Variants in CPT1C observed in about 807,000 individuals in gnomAD.
The protein encoded by CPT1C is carnitine palmitoyltransferase 1C.
CPT1C carries 61 observed loss-of-function variants against 97.3 expected under a neutral mutation model. That is an observed-to-expected ratio of 0.63 (90% CI 0.51 to 0.78). The LOEUF is 0.78. CPT1C is among the 30% of genes least tolerant of loss of function. The pLI is 0.00. For synonymous variants in CPT1C, 469 were observed against 447.2 expected, an observed-to-expected ratio of 1.05 and a Z score of -0.61; for missense variants, 975 against 1,065.5, an observed-to-expected ratio of 0.92 and a Z score of 1.18.
chr19:49,709,672 A>T (rs1252881411), intron 14 of CPT1C, among the ~76,000 whole-genome samples: 1 of 150,742 alleles, frequency 6.6e-6, no homozygotes, highest in African/African-American at 2.4e-5. Flanking sequence ...CTCTTGCCTC[A>T]GCCTCCTGAG....
chr19:49,700,684 G>T lies in CPT1C; in HGVS notation c.282G>T (p.Trp94Cys). 2.5e-6 allele frequency: 4 copies of T among 1,607,688 alleles called. No individual in the cohort carries two copies. Among genetic ancestry groups the T allele is most frequent in the South Asian group, 1.1e-5 (1 of 91,070 alleles). The change falls in exon 5 of 20, where the codon TGG becomes TGT. Residue 94 changes from tryptophan (W) to cysteine (C), a missense_variant and splice_region_variant. Physicochemically the swap from Trp to Cys is radical, Grantham distance 215. This residue lies in a region of CPT1C where 596 missense variants were observed against 603.1 expected (regional missense o/e 0.99). Coordinates refer to ENST00000598293, the MANE Select transcript of CPT1C (RefSeq NM_001199753.2). Reference sequence around the variant, plus strand: ...CCAGCCTCTGTTTCTCTCCCCGCAGGGGTGGACAACACCACGGGCTCCGGG... The same window carrying T: ...CCAGCCTCTGTTTCTCTCCCCGCAGTGGTGGACAACACCACGGGCTCCGGG... ...MEKIKELLPDWGGQHHGLRGV... is the reference protein window; with the variant it reads ...MEKIKELLPDCGGQHHGLRGV...
In CPT1C at chr19:49,705,110, C is replaced by A. The variant is rs947674908; in HGVS notation, c.875C>A (p.Pro292His). 1.9e-6 allele frequency: 3 copies of A among 1,613,912 alleles called. No homozygotes were observed. Among genetic ancestry groups the A allele is most frequent in the Non-Finnish European group, 2.5e-6 (3 of 1,179,964 alleles). The stretch of plus-strand genomic sequence containing the variant: ...CACCGCCTGAACCGCCAGGAGATAC[C>A]CCCGGTGAGAGGGCCCCAGTGGGTT... ...YRHRLNRQEI[P>H]PTLLMGMRPL... Residue 292 changes from proline (P) to histidine (H), a missense_variant, in exon 9 of 20, where the codon CCC becomes CAC. Coordinates refer to ENST00000598293, the MANE Select transcript of CPT1C (RefSeq NM_001199753.2).
chr19:49,711,102 C>CTT, intron 16 of CPT1C: 1 of 331,462 alleles, frequency 3.0e-6, no homozygotes, highest in Non-Finnish European at 5.5e-6. Context: ...AACCCCATTT[C>CTT]TTTTTTTTTG....
chr19:49,700,566 A>G, intron 4 of CPT1C, 118 bp from the exon 5 acceptor site: 1 of 1,141,112 alleles, frequency 8.8e-7, no homozygotes, highest in Non-Finnish European at 1.3e-6. Context: ...TAAAATGACA[A>G]AAATGGGTTT....
chr19:49,691,906 G>C lies in CPT1C; in HGVS notation c.-15+17G>C, dbSNP rs908925191. 3.7e-6 allele frequency: 1 copy of C among 267,194 alleles called. No individual in the cohort carries two copies. The highest frequency in any genetic ancestry group is 2.2e-5 in the African/African-American group (1 of 44,920). The allele number at this position is 267,194 out of a possible 1,614,324, so 16.6% of individuals were successfully genotyped here. On this transcript the variant is annotated intron_variant, in intron 2 of 19. Transcript: ENST00000598293. Reference sequence around the variant, plus strand: ...ACCCTTCAGGTGCTTAGAGAAGGATGAGCTAGGTTATGTAGTCCTGGGTCG... The same window carrying C: ...ACCCTTCAGGTGCTTAGAGAAGGATCAGCTAGGTTATGTAGTCCTGGGTCG...
chr19:49,697,389 A>T lies in CPT1C; in HGVS notation c.205A>T (p.Ile69Phe). 1 of 1,614,134 alleles carries T rather than the reference A, an allele frequency of 6.2e-7. No homozygotes were observed. The highest frequency in any genetic ancestry group is 8.5e-7 in the Non-Finnish European group (1 of 1,180,028). The change falls in exon 4 of 20, where the codon ATC becomes TTC. Residue 69 changes from isoleucine (I) to phenylalanine (F), a missense_variant. Ile to Phe is a conservative substitution (Grantham distance 21). This residue lies in a region of CPT1C where 596 missense variants were observed against 603.1 expected (regional missense o/e 0.99). Coordinates refer to ENST00000598293, the MANE Select transcript of CPT1C (RefSeq NM_001199753.2). ...PLSWLFLFSAIQLAWFLQLDP... is the reference protein window; with the variant it reads ...PLSWLFLFSAFQLAWFLQLDP... ...CAGTTGGCTTTTCCTCTTCAGTGCC[A>T]TCCAGCTTGCCTGGTTCCTCCAGCT...
Position 49,713,272 on chromosome 19 carries a change from C to T in CPT1C, c.2227-148C>T, listed in dbSNP as rs2084037747. On this transcript the variant is annotated intron_variant, in intron 19 of 19. Coordinates refer to ENST00000598293, the MANE Select transcript of CPT1C (RefSeq NM_001199753.2). Reference sequence around the variant, plus strand: ...TCCCTCAGACCCGGGAGTCCAGGCCCCCAGCCCCTCCTCCCTCAGACTCGG... The same window carrying T: ...TCCCTCAGACCCGGGAGTCCAGGCCTCCAGCCCCTCCTCCCTCAGACTCGG... 4.9e-6 allele frequency: 4 copies of T among 815,086 alleles called. No homozygotes were observed. In the African/African-American group the frequency reaches 5.2e-5, roughly 11 times the overall value. The allele number at this position is 815,086 out of a possible 1,614,324, so 50.5% of individuals were successfully genotyped here.
intron 7 of CPT1C, among the ~76,000 whole-genome samples, chr19:49,704,293 T>C (rs1343513881): frequency 5.3e-5 from 8 of 152,200 alleles, no homozygotes; most frequent in Admixed American, 1.3e-4. Context: ...TGCCTCAGGC[T>C]ACCGAGTAGC....
chr19:49,698,530 G>T (rs1241029375), intron 4 of CPT1C, among the ~76,000 whole-genome samples: 1 of 151,704 alleles, frequency 6.6e-6, no homozygotes, highest in Non-Finnish European at 1.5e-5. Context: ...GGGTGTGGTG[G>T]TGCGCGCCTG....
At chr19:49,705,156 G>A in intron 9 of CPT1C, 42 bp downstream of exon 9, 1 of 1,613,522 alleles carries the variant, frequency 6.2e-7, no homozygotes, top group Non-Finnish European at 8.5e-7. Context: ...GTGTGGTCCT[G>A]TGGCCTTTGG....
At position 49,701,488 on chromosome 19, in the gene CPT1C, C is replaced by T. The variant is rs1165823339; in HGVS notation, c.556-9C>T. On this transcript the variant is annotated splice_polypyrimidine_tract_variant and intron_variant, in intron 6 of 19. Coordinates refer to ENST00000598293, the MANE Select transcript of CPT1C (RefSeq NM_001199753.2). ...CCGGGGGCGTGACCTGCCCTCTTCT[C>T]CCCTTTAGTACCTGGAGTCGGTCCG... The T allele has an allele frequency of 6.2e-7, 1 of 1,602,274 alleles. No individual in the cohort carries two copies. The highest frequency in any genetic ancestry group is 8.5e-7 in the Non-Finnish European group (1 of 1,171,358).
Position 49,706,807 on chromosome 19 carries a change from A to G in CPT1C, c.1343+394A>G, listed in dbSNP as rs1352252878. Among the ~76,000 whole-genome samples, 1 of 151,832 alleles carries G rather than the reference A, an allele frequency of 6.6e-6. No homozygotes were observed. Among genetic ancestry groups the G allele is most frequent in the Non-Finnish European group, 1.5e-5 (1 of 67,972 alleles). ...TCAGCCTCAGAACTTGAACCATTCA[A>G]TCCTCAGGCCTTAATGCAGGCACCC... is the stretch of plus-strand genomic sequence containing the variant. On this transcript the variant is annotated intron_variant, in intron 12 of 19. Coordinates refer to ENST00000598293, the MANE Select transcript of CPT1C (RefSeq NM_001199753.2). This position sits in a 1 kb window ranked among gnomAD's most constrained non-coding sequence, Gnocchi z 4.8.
chr19:49,712,703 T>G (rs1473499518), intron 17 of CPT1C, 33 bp from the exon 18 acceptor site: 1 of 1,486,262 alleles, frequency 6.7e-7, no homozygotes, highest in South Asian at 1.1e-5. Context: ...TGCAGATCTC[T>G]GTCCTGCACA....
At chr19:49,703,276 C>G (rs1452141316) in intron 7 of CPT1C, among the ~76,000 whole-genome samples, 1 of 151,588 alleles carries the variant, frequency 6.6e-6, no homozygotes, top group Non-Finnish European at 1.5e-5. Context: ...CTGGCACCGT[C>G]TCAGCTCACT....
chr19:49,710,932 C>A, intron 16 of CPT1C, 75 bp downstream of exon 16: 2 of 1,483,270 alleles, frequency 1.3e-6, no homozygotes. Flanking sequence ...TTGATGGGAC[C>A]TACTGAAGCC....
intron 7 of CPT1C, among the ~76,000 whole-genome samples, chr19:49,703,965 C>T (rs2083357551): frequency 6.6e-6 from 1 of 151,960 alleles, no homozygotes; most frequent in East Asian, 1.9e-4. Flanking sequence ...AGCCAACTGC[C>T]AGTGACACAC....
chr19:49,712,487 T>G, intron 17 of CPT1C: 3 of 518,722 alleles, frequency 5.8e-6, no homozygotes, highest in Non-Finnish European at 7.0e-6. Context: ...GGGGTGGGGA[T>G]AAGAGGAAAG....
rs1359678912 is a variant in CPT1C, at chr19:49,701,930, TAATATTTATAAATTTATATATAAA to T, written c.693+297_693+320del. Among the ~76,000 whole-genome samples, 42 of 93,514 alleles carry T rather than the reference TAATATTTATAAATTTATATATAAA, an allele frequency of 4.5e-4. 2 individuals carry two copies. Among genetic ancestry groups the T allele is most frequent in the African/African-American group, 1.1e-3 (20 of 18,002 alleles). 61.3% of individuals were successfully genotyped at this position (93,514 alleles called of 152,430 possible). ...TATATTTATATTTATATACAAATAT[TAATATTTATAAATTTATATATAAA>T]TATATTTATATATAAATTTATAAAT... On this transcript the variant is annotated intron_variant, in intron 7 of 19. Coordinates refer to ENST00000598293, the MANE Select transcript of CPT1C (RefSeq NM_001199753.2).
Position 49,705,084 on chromosome 19 carries a change from C to A in CPT1C, c.849C>A (p.Arg283=). 6.2e-7 allele frequency: 1 copy of A among 1,613,992 alleles called. No homozygotes were observed. Among genetic ancestry groups the A allele is most frequent in the Non-Finnish European group, 8.5e-7 (1 of 1,179,980 alleles). ...CCGTCCATGCCCTCCTCCTGTACCG[C>A]CACCGCCTGAACCGCCAGGAGATAC... ...GNAVHALLLY[R]HRLNRQEIPP... The change falls in exon 9 of 20, where the codon CGC becomes CGA. Residue 283 remains arginine, a synonymous_variant. Coordinates refer to ENST00000598293, the MANE Select transcript of CPT1C (RefSeq NM_001199753.2).
Sources: allele counts gnomAD v4.1 joint callset (sites outside exome capture counted in the v4.1 genomes callset), GRCh38; gene constraint gnomAD v4.1.1; regional missense constraint gnomAD v4.1.1; non-coding constraint Gnocchi (gnomAD v3.1); transcripts MANE v1.5; gene names NCBI Gene and HGNC (gene_info 2026-07-23, HGNC 2026-07-21).